Variants in RUFY4 observed in about 807,000 individuals in gnomAD.
The protein encoded by RUFY4 is RUN and FYVE domain-containing protein 4.
A neutral mutation model predicts 69.0 loss-of-function variants in RUFY4; 73 were observed. The ratio of observed to expected loss-of-function variants is 1.06; its 90% CI spans 0.88 to 1.29. The LOEUF (loss-of-function observed/expected upper bound fraction) is 1.29. Among genes scored for constraint, RUFY4 ranks in the 50% most tolerant of loss-of-function variants. RUFY4 has a pLI of 0.00. For synonymous variants in RUFY4, 287 were observed against 271.8 expected, an observed-to-expected ratio of 1.06 and a Z score of -0.55; for missense variants, 770 against 705.6, an observed-to-expected ratio of 1.09 and a Z score of -1.03.
Position 218,076,457 on chromosome 2 carries a change from G to C in RUFY4, c.1279G>C (p.Glu427Gln), listed in dbSNP as rs1168659330. The C allele has an allele frequency of 1.9e-6, 3 of 1,550,040 alleles. No individual in the cohort carries two copies. The East Asian group carries it at 7.3e-5, about 38-fold the overall frequency. Residue 427 changes from glutamate (E) to glutamine (Q), a missense_variant, in exon 8 of 11, where the codon GAG (glutamate) becomes CAG (glutamine). Coordinates refer to ENST00000344321, the Ensembl canonical transcript of RUFY4. ...CAGACTTGGGCTCCGGAAGGCTGAG[G>C]AGCAGGCCCAGCGCCAGGAGCAGCT... is the stretch of plus-strand genomic sequence containing the variant.
At chr2:218,080,298 C>A (rs1216926901) in intron 8 of RUFY4, among the ~76,000 whole-genome samples, 7 of 152,300 alleles carry the variant, frequency 4.6e-5, no homozygotes, top group South Asian at 2.1e-4. Context: ...GTGTGGAGGA[C>A]AGTGGAAGTG....
intron 3 of RUFY4, among the ~76,000 whole-genome samples, chr2:218,063,556 CA>C (rs1171688777): frequency 2.6e-5 from 4 of 152,330 alleles, no homozygotes; most frequent in African/African-American, 7.2e-5. Flanking sequence ...AAGCTATGCC[CA>C]CACAAAAACT....
chr2:218,051,470 A>C (rs1047206731), intron 2 of RUFY4, among the ~76,000 whole-genome samples: 3 of 151,928 alleles, frequency 2.0e-5, no homozygotes, highest in Non-Finnish European at 2.9e-5. Context: ...TACAAAAGCT[A>C]ATTTTTGCAA....
intron 9 of RUFY4, among the ~76,000 whole-genome samples, chr2:218,086,335 A>C (rs1459598084): frequency 6.6e-6 from 1 of 152,232 alleles, no homozygotes; most frequent in Non-Finnish European, 1.5e-5. Flanking sequence ...AGATCTTCAG[A>C]TTTGAAGATT....
Position 218,070,867 on chromosome 2 carries a change from C to T in RUFY4, c.153+8C>T, listed in dbSNP as rs774682363. ...CTGGAGCTGCTGCTGCAGGTGGGAC[C>T]TTCTCCTCCCCTTCCCCATCCCTCT... On this transcript the variant is annotated splice_region_variant and intron_variant, in intron 2 of 10. Coordinates refer to ENST00000344321, the Ensembl canonical transcript of RUFY4. 1.3e-6 allele frequency: 2 copies of T among 1,529,400 alleles called. No individual in the cohort carries two copies. The highest frequency in any genetic ancestry group is 1.8e-6 in the Non-Finnish European group (2 of 1,141,856). The allele number at this position is 1,529,400 out of a possible 1,614,324, so 94.7% of individuals were successfully genotyped here.
At chr2:218,089,783 T>C (rs1201675661) in intron 10 of RUFY4, 169 bp from the exon 13 acceptor site, 1 of 712,640 alleles carries the variant, frequency 1.4e-6, no homozygotes, top group Admixed American at 2.0e-5. Context: ...CAGGACACCC[T>C]TCAGGAGAGG....
At chr2:218,060,614 C>A in intron 3 of RUFY4, 1 of 1,350,632 alleles carries the variant, frequency 7.4e-7, no homozygotes, top group South Asian at 1.2e-5. Flanking sequence ...GCCAGCAGGA[C>A]CAGGTTGTAG....
chr2:218,087,469 G>A lies in RUFY4; in HGVS notation c.1503-1783G>A, dbSNP rs190195650. On this transcript the variant is annotated intron_variant, in intron 9 of 10. Transcript: ENST00000344321. ...GCTGCATCATCATATTACAGAACAG[G>A]AGTCATAAGGATACTACCTATAGTT... Among the ~76,000 whole-genome samples, 353 of 152,224 alleles carry A rather than the reference G, an allele frequency of 2.3e-3. 1 individual carries two copies. Among genetic ancestry groups the A allele is most frequent in the African/African-American group, 8.3e-3 (346 of 41,524 alleles).
chr2:218,073,067 A>T (rs887346431), intron 4 of RUFY4, among the ~76,000 whole-genome samples, 176 bp from the exon 7 acceptor site: 1 of 151,984 alleles, frequency 6.6e-6, no homozygotes, highest in Non-Finnish European at 1.5e-5. Flanking sequence ...TCCTGGGAGC[A>T]TCAGGGTTCT....
At chr2:218,083,639 T>G (rs1689821261) in intron 9 of RUFY4, among the ~76,000 whole-genome samples, 2 of 151,898 alleles carry the variant, frequency 1.3e-5, no homozygotes, top group African/African-American at 4.8e-5. Flanking sequence ...TCCCAGCTAC[T>G]CAGGGGGCTG....
At chr2:218,042,780 C>T (rs771404585) in intron 2 of RUFY4, among the ~76,000 whole-genome samples, 1 of 152,018 alleles carries the variant, frequency 6.6e-6, no homozygotes, top group Non-Finnish European at 1.5e-5. Context: ...AAAATCAAGA[C>T]TCAATCCAGT....
rs1274715885 is a variant in RUFY4, at chr2:218,089,151, T to C, written c.1503-101T>C. On this transcript the variant is annotated intron_variant, in intron 9 of 10. Coordinates refer to ENST00000344321, the Ensembl canonical transcript of RUFY4. ...TGTCTCTCTCTTCCTCTCTGTGTGA[T>C]TCCGTCTGTTCCTCTCTGTCTCTCT... 1.6e-5 allele frequency: 14 copies of C among 857,972 alleles called. No homozygotes were observed. The East Asian group carries it at 3.7e-4, about 23-fold the overall frequency. 53.1% of individuals were successfully genotyped at this position (857,972 alleles called of 1,614,324 possible). A position where few individuals can be genotyped will look rare whatever the true frequency, so the allele number is the denominator to read the frequency against.
chr2:218,084,940 C>T (rs974542713), intron 9 of RUFY4, among the ~76,000 whole-genome samples: 1 of 152,052 alleles, frequency 6.6e-6, no homozygotes, highest in African/African-American at 2.4e-5. Flanking sequence ...CTCAGCTATT[C>T]AAGAGGCTGA....
At position 218,075,665 on chromosome 2, in the gene RUFY4, A is replaced by G. The variant is rs757621352; in HGVS notation, c.1173A>G (p.Pro391=). 3.3e-6 allele frequency: 5 copies of G among 1,497,932 alleles called. No individual in the cohort carries two copies. In the East Asian group the frequency reaches 6.9e-5, roughly 21 times the overall value. 92.8% of individuals were successfully genotyped at this position (1,497,932 alleles called of 1,614,324 possible). ...AGGAAGACTCTACCGTGGAGAATCC[A>G]CAAGTGCAAACAGAAGTGACCCTTG... The change falls in exon 7 of 11, where the codon CCA becomes CCG. Residue 391 remains proline, a synonymous_variant. Transcript: ENST00000344321.
intron 9 of RUFY4, among the ~76,000 whole-genome samples, chr2:218,088,298 A>G (rs1176834448): frequency 2.0e-5 from 3 of 151,480 alleles, no homozygotes; most frequent in Admixed American, 6.6e-5. Flanking sequence ...ACATGTCGAA[A>G]CCCCATCCCT....
Position 218,073,513 on chromosome 2 carries a change from C to A in RUFY4, c.530+127C>A, listed in dbSNP as rs577893200. On this transcript the variant is annotated intron_variant, in intron 5 of 10. Transcript: ENST00000344321. ...GTCTCTGCCTCCTTTTGCTCCATGC[C>A]TTTGGATTCTTCTAGCCCTCGATGC... The A allele has an allele frequency of 1.6e-5, 21 of 1,312,844 alleles. No homozygotes were observed. The African/African-American group carries it at 3.1e-4, about 19-fold the overall frequency. The allele number at this position is 1,312,844 out of a possible 1,614,324, so 81.3% of individuals were successfully genotyped here. A position where few individuals can be genotyped will look rare whatever the true frequency, so the allele number is the denominator to read the frequency against.
chr2:218,041,533 C>A (rs1172626922), intron 2 of RUFY4, among the ~76,000 whole-genome samples: 5 of 151,896 alleles, frequency 3.3e-5, no homozygotes, highest in African/African-American at 1.2e-4. Context: ...AGTTCAGGAG[C>A]TCCACTGAGG....
intron 9 of RUFY4, among the ~76,000 whole-genome samples, chr2:218,084,249 T>G (rs1274615016): frequency 6.6e-6 from 1 of 151,968 alleles, no homozygotes; most frequent in East Asian, 1.9e-4. Context: ...TTTTTTTTTT[T>G]TTAACGGAGT....
rs372789900 is a variant in RUFY4, at chr2:218,083,162, G to A, written c.1408G>A (p.Glu470Lys). 5 of 1,613,640 alleles carry A rather than the reference G, an allele frequency of 3.1e-6. No homozygotes were observed. In the African/African-American group the frequency reaches 5.3e-5, roughly 17 times the overall value. Residue 470 changes from glutamate (E) to lysine (K), a missense_variant, in exon 9 of 11, where the codon GAG (glutamate) becomes AAG (lysine). Physicochemically the swap from Glu to Lys is moderately conservative, Grantham distance 56 (BLOSUM62 1). Coordinates refer to ENST00000344321, the Ensembl canonical transcript of RUFY4. ...GGCACAGCTGGAGCAGAAGCAACAG[G>A]AGGCTGAGAGGAGGGATGCCATGTA...
Sources: gnomAD v4.1 joint callset for allele counts (sites outside exome capture counted in the v4.1 genomes callset) on GRCh38, gnomAD v4.1.1 for gene constraint, MANE v1.5 for transcripts, NCBI Gene and HGNC (gene_info 2026-07-23, HGNC 2026-07-21) for gene names.